PLEKHH2: variants seen among roughly 807,000 people sequenced by gnomAD.
PLEKHH2 encodes the protein pleckstrin homology, MyTH4 and FERM domain containing H2, also known as pleckstrin homology domain-containing family H member 2.
A neutral mutation model predicts 187.9 loss-of-function variants in PLEKHH2; 129 were observed. That is an observed-to-expected ratio of 0.69 (90% CI 0.59 to 0.79). The LOEUF (loss-of-function observed/expected upper bound fraction) is 0.79. Among genes scored for constraint, PLEKHH2 ranks in the 30% least tolerant of loss-of-function variants. PLEKHH2 has a pLI of 0.00. For missense variants in PLEKHH2, 2,076 were observed against 1,751.2 expected, an observed-to-expected ratio of 1.19 and a Z score of -3.31; for synonymous variants, 686 against 605.6, an observed-to-expected ratio of 1.13 and a Z score of -1.95.
chr2:43,666,653 G>A (rs1243449881), intron 2 of PLEKHH2, among the ~76,000 whole-genome samples: 1 of 152,126 alleles, frequency 6.6e-6, no homozygotes, highest in Non-Finnish European at 1.5e-5. Flanking sequence ...ATATTAATAG[G>A]TATGTAGTTG....
intron 25 of PLEKHH2, among the ~76,000 whole-genome samples, chr2:43,755,454 T>A (rs1358166088): frequency 3.3e-5 from 5 of 152,232 alleles, no homozygotes; most frequent in Admixed American, 1.3e-4. Flanking sequence ...AGCAGGCTCC[T>A]AAGTAGTGTG....
chr2:43,680,913 A>G, intron 3 of PLEKHH2: 1 of 658,868 alleles, frequency 1.5e-6, no homozygotes, highest in East Asian at 3.3e-5. Flanking sequence ...GCCTGGTTGA[A>G]ATTTATGTCC....
rs1413274719 is a variant in PLEKHH2 at position 43,706,563 on chromosome 2, A to G, written c.1821+147A>G. The G allele has an allele frequency of 4.7e-6, 3 of 638,238 alleles. No individual in the cohort carries two copies. The East Asian group carries it at 8.4e-5, about 18-fold the overall frequency. 39.5% of individuals were successfully genotyped at this position (638,238 alleles called of 1,614,324 possible). A position where few individuals can be genotyped will look rare whatever the true frequency, so the allele number is the denominator to read the frequency against. On this transcript the variant is annotated intron_variant, in intron 10 of 29. Coordinates refer to ENST00000282406, the MANE Select transcript of PLEKHH2 (RefSeq NM_172069.4). ...TTTTACAAGTTCACGTTAACATATC[A>G]TAAAAAAGAAGGAATGGAAAGGTCT...
chr2:43,761,194 C>A (rs2104628171), intron 27 of PLEKHH2, among the ~76,000 whole-genome samples: 1 of 152,178 alleles, frequency 6.6e-6, no homozygotes, highest in Non-Finnish European at 1.5e-5. Context: ...ACATTCATTC[C>A]AGTTTTATAT....
chr2:43,679,396 A>C (rs10198343), intron 3 of PLEKHH2: 128,904 of 262,550 alleles, frequency 0.49, 32,625 homozygotes, highest in Non-Finnish European at 0.53. Context: ...GGAAAAGTCA[A>C]ACCTAAGAGT....
rs565405844 is a variant in PLEKHH2, at chr2:43,680,260, G to C, written c.186+1335G>C. On this transcript the variant is annotated intron_variant, in intron 3 of 29. Coordinates refer to ENST00000282406, the MANE Select transcript of PLEKHH2 (RefSeq NM_172069.4). The stretch of plus-strand genomic sequence containing the variant: ...AGCCAGCTTTCTATATTTTCATAAA[G>C]CTAGAAGAGAGGATTTTGAATGTTC... 5.9e-5 allele frequency among the ~76,000 whole-genome samples: 9 copies of C among 152,280 alleles called. No individual in the cohort carries two copies. The East Asian group carries it at 1.7e-3, about 29-fold the overall frequency.
intron 2 of PLEKHH2, among the ~76,000 whole-genome samples, chr2:43,671,629 C>G (rs1389713414): frequency 6.6e-6 from 1 of 151,952 alleles, no homozygotes. Flanking sequence ...ATCAGAAATT[C>G]CTTGTATTTT....
chr2:43,710,789 T>A (rs1421166708), intron 14 of PLEKHH2: 2 of 1,337,926 alleles, frequency 1.5e-6, no homozygotes, highest in African/African-American at 3.0e-5. Flanking sequence ...CCCACCACAC[T>A]TTACCTTTCT....
intron 3 of PLEKHH2, among the ~76,000 whole-genome samples, chr2:43,684,590 G>A (rs938469264): frequency 2.0e-5 from 3 of 151,988 alleles, no homozygotes; most frequent in African/African-American, 7.2e-5. Flanking sequence ...ATCCAGTGAG[G>A]AGTCTTTAAA....
intron 14 of PLEKHH2, chr2:43,711,716 C>T: frequency 2.2e-6 from 1 of 452,636 alleles, no homozygotes; most frequent in South Asian, 9.2e-5. Context: ...ACGGTGAAAC[C>T]CCGTCTCTAC....
rs189674031 is a variant in PLEKHH2, at chr2:43,720,327, G to A, written c.2461-342G>A. Among the ~76,000 whole-genome samples, 5 of 150,972 alleles carry A rather than the reference G, an allele frequency of 3.3e-5. No homozygotes were observed. In the East Asian group the frequency reaches 5.8e-4, roughly 18 times the overall value. ...TTTATTTTAGATATAGGGGGTGCAC[G>A]TGCAGGTTTGTTACATGTGAATATT... On this transcript the variant is annotated intron_variant, in intron 15 of 29. Coordinates refer to ENST00000282406, the MANE Select transcript of PLEKHH2 (RefSeq NM_172069.4).
At chr2:43,692,204 G>T (rs1192356106) in intron 3 of PLEKHH2, 2 of 171,436 alleles carry the variant, frequency 1.2e-5, no homozygotes, top group African/African-American at 4.8e-5. Context: ...AATGAGGGCT[G>T]GAAACTTTCT....
intron 24 of PLEKHH2, among the ~76,000 whole-genome samples, chr2:43,750,342 T>C (rs1161650753): frequency 6.6e-6 from 1 of 152,106 alleles, no homozygotes; most frequent in African/African-American, 2.4e-5. Context: ...CATGGTGGCA[T>C]GCGCCTGTAG....
intron 23 of PLEKHH2, chr2:43,744,212 G>A (rs770635565): frequency 2.5e-5 from 25 of 999,584 alleles, no homozygotes; most frequent in Non-Finnish European, 3.1e-5. Flanking sequence ...AGAGAGGAAA[G>A]GTGTTAGTAA....
rs1303075010 is a variant in PLEKHH2 at position 43,710,131 on chromosome 2, A to G, written c.2103+5A>G. On this transcript the variant is annotated splice_donor_5th_base_variant and intron_variant, in intron 12 of 29. Coordinates refer to ENST00000282406, the MANE Select transcript of PLEKHH2 (RefSeq NM_172069.4). ...TCCAGTGATAATGGGAAAAATGTAA[A>G]TATTGAATATGATTTTTAAAAAGCA... 3 of 1,611,176 alleles carry G rather than the reference A, an allele frequency of 1.9e-6. No homozygotes were observed. Among genetic ancestry groups the G allele is most frequent in the South Asian group, 1.1e-5 (1 of 90,528 alleles).
chr2:43,744,118 C>CA, intron 23 of PLEKHH2, 129 bp downstream of exon 23: 1 of 1,398,246 alleles, frequency 7.2e-7, no homozygotes, highest in Non-Finnish European at 9.3e-7. Flanking sequence ...CTAATCTCCA[C>CA]GATAAGAAAA....
intron 11 of PLEKHH2, 70 bp downstream of exon 11, chr2:43,707,615 C>T: frequency 6.5e-7 from 1 of 1,547,688 alleles, no homozygotes; most frequent in Non-Finnish European, 8.8e-7. Flanking sequence ...ATTTTATCTC[C>T]ATTACAGGAT....
At chr2:43,655,065 G>C (rs9679725) in intron 2 of PLEKHH2, among the ~76,000 whole-genome samples, 56,345 of 151,692 alleles carry the variant, frequency 0.37, 10,761 homozygotes, top group Non-Finnish European at 0.41. Flanking sequence ...AAATTAGCCA[G>C]GTGTGGTGTG....
Position 43,720,652 on chromosome 2 carries a change from T to C in PLEKHH2, c.2461-17T>C, listed in dbSNP as rs1230426882. On this transcript the variant is annotated splice_polypyrimidine_tract_variant and intron_variant, in intron 15 of 29. Coordinates refer to ENST00000282406, the MANE Select transcript of PLEKHH2 (RefSeq NM_172069.4). The stretch of plus-strand genomic sequence containing the variant: ...AGTTCTGGGCTAAACTTGTAATTCA[T>C]TGAAATATGGTTTCAGGTAAAACAT... The C allele has an allele frequency of 1.2e-6, 2 of 1,606,858 alleles. No homozygotes were observed. Among genetic ancestry groups the C allele is most frequent in the South Asian group, 1.1e-5 (1 of 89,212 alleles).
Sources: allele counts gnomAD v4.1 joint callset (sites outside exome capture counted in the v4.1 genomes callset), GRCh38; gene constraint gnomAD v4.1.1; transcripts MANE v1.5; gene names NCBI Gene and HGNC (gene_info 2026-07-23, HGNC 2026-07-21).